FCRL3: variants seen among roughly 807,000 people sequenced by gnomAD.
The protein encoded by FCRL3 is Fc receptor like 3, also known as Fc receptor-like protein 3.
FCRL3 carries 89 observed loss-of-function variants against 75.0 expected under a neutral mutation model. That is an observed-to-expected ratio of 1.19 (90% CI 1.00 to 1.42). The LOEUF is 1.42. Ranked by LOEUF, FCRL3 falls within the 40% of genes most tolerant of loss-of-function variation. The pLI is 0.00. For synonymous variants in FCRL3, 376 were observed against 348.5 expected, an observed-to-expected ratio of 1.08 and a Z score of -0.88; for missense variants, 946 against 880.0, an observed-to-expected ratio of 1.07 and a Z score of -0.95.
chr1:157,692,747 T>C (rs1655632641), intron 8 of FCRL3, among the ~76,000 whole-genome samples: 1 of 152,254 alleles, frequency 6.6e-6, no homozygotes, highest in African/African-American at 2.4e-5. Flanking sequence ...TGTTAATACT[T>C]AGCAAACACT....
chr1:157,677,120 C>G lies in FCRL3; in HGVS notation c.*1590G>C, dbSNP rs1392452800. ...AAGGCCAGGATAAGGGTAACAGAGG[C>G]CAGTGGGAGCAGTGTGGATTGATCA... On this transcript the variant is annotated 3_prime_UTR_variant, in exon 15 of 15. Transcript: ENST00000368184. 1 of 1,069,360 alleles carries G rather than the reference C, an allele frequency of 9.4e-7. No individual in the cohort carries two copies. The highest frequency in any genetic ancestry group is 4.5e-5 in the Admixed American group (1 of 22,406). 66.2% of individuals were successfully genotyped at this position (1,069,360 alleles called of 1,614,324 possible). A position where few individuals can be genotyped will look rare whatever the true frequency, so the allele number is the denominator to read the frequency against.
Position 157,677,203 on chromosome 1 carries a change from GACAAAAGTGCC to G in FCRL3, c.*1496_*1506del. The G allele has an allele frequency of 9.9e-7, 1 of 1,007,588 alleles. No homozygotes were observed. The allele number at this position is 1,007,588 out of a possible 1,614,324, so 62.4% of individuals were successfully genotyped here. On this transcript the variant is annotated 3_prime_UTR_variant, in exon 15 of 15. Transcript: ENST00000368184. ...GCTGGCTTTGCTGGTCGTAATGGAG[GACAAAAGTGCC>G]TTCTGGTGAAACTCAGCTTCCATAG...
At position 157,698,687 on chromosome 1, in the gene FCRL3, A is replaced by G. The variant is rs538412732; in HGVS notation, c.53-58T>C. 68 of 1,584,454 alleles carry G rather than the reference A, an allele frequency of 4.3e-5. No individual in the cohort carries two copies. In the East Asian group the frequency reaches 1.0e-3, roughly 23 times the overall value. On this transcript the variant is annotated intron_variant, in intron 3 of 14. Coordinates refer to ENST00000368184, the MANE Select transcript of FCRL3 (RefSeq NM_052939.4). ...AAGGTCAATGGGAGGTGGGCACAGCACATGGGGAGCCCAACCTACAGTCAG... is the reference window on the plus strand; with the variant it reads ...AAGGTCAATGGGAGGTGGGCACAGCGCATGGGGAGCCCAACCTACAGTCAG...
intron 2 of FCRL3, 82 bp downstream of exon 2, chr1:157,700,377 G>C: frequency 6.3e-7 from 1 of 1,597,762 alleles, no homozygotes. Context: ...CCAAGTAGAA[G>C]CAGAGATAGA....
intron 8 of FCRL3, among the ~76,000 whole-genome samples, chr1:157,691,122 A>G (rs1655513566): frequency 6.6e-6 from 1 of 152,140 alleles, no homozygotes; most frequent in Non-Finnish European, 1.5e-5. Context: ...TAGCTGTTGG[A>G]ACTTTGCCTG....
intron 3 of FCRL3, 46 bp from the exon 4 acceptor site, chr1:157,698,675 G>A (rs754410904): frequency 6.2e-6 from 10 of 1,606,418 alleles, no homozygotes; most frequent in Non-Finnish European, 7.7e-6. Flanking sequence ...GTCAATGGGA[G>A]GTGGGCACAG....
At chr1:157,692,102 A>T (rs1442522244) in intron 8 of FCRL3, 1 of 152,232 alleles carries the variant, frequency 6.6e-6, no homozygotes, top group Admixed American at 6.5e-5. Context: ...AGGGTGGGAC[A>T]GCAGTGCCTT....
Position 157,697,670 on chromosome 1 carries a change from A to C in FCRL3, c.548T>G (p.Ile183Ser), listed in dbSNP as rs773307054. ...DIEVTSKPLN[I>S]QVQELFLHPV... ...AATCTAGCCATTACCTTGAACTTGG[A>C]TATTTAGGGGTTTTGAAGTTACTTC... Residue 183 changes from isoleucine (I) to serine (S), a missense_variant, in exon 5 of 15, where the codon ATC becomes AGC. Transcript: ENST00000368184. 2 of 1,613,162 alleles carry C rather than the reference A, an allele frequency of 1.2e-6. No homozygotes were observed. Among genetic ancestry groups the C allele is most frequent in the Non-Finnish European group, 1.7e-6 (2 of 1,179,654 alleles).
chr1:157,691,165 T>A (rs1655516053), intron 8 of FCRL3, among the ~76,000 whole-genome samples: 1 of 152,202 alleles, frequency 6.6e-6, no homozygotes, highest in African/African-American at 2.4e-5. Context: ...AATTGATGAT[T>A]GAATGGAAAA....
chr1:157,689,892 A>G lies in FCRL3; in HGVS notation c.1716T>C (p.Leu572=). 6.2e-7 allele frequency: 1 copy of G among 1,614,070 alleles called. No individual in the cohort carries two copies. Among genetic ancestry groups the G allele is most frequent in the South Asian group, 1.1e-5 (1 of 91,076 alleles). The change falls in exon 10 of 15, where the codon CTT becomes CTC. Residue 572 remains leucine (L), a synonymous_variant. Coordinates refer to ENST00000368184, the MANE Select transcript of FCRL3 (RefSeq NM_052939.4). ...CCAGCCCCGTGATTCCCGCAGCGGT[A>G]AGGCCTGTTCTGTTCCTGGAAGTTC... ...VTGTSRNRTG[L]TAAGITGLVL...
At chr1:157,697,620 C>A in intron 5 of FCRL3, 39 bp downstream of exon 5, 1 of 1,585,454 alleles carries the variant, frequency 6.3e-7, no homozygotes, top group South Asian at 1.2e-5. Context: ...CCCCAGTTTC[C>A]CTAACAAACC....
chr1:157,698,563 AC>A lies in FCRL3; in HGVS notation c.118del (p.Val40TrpfsTer12). The A allele has an allele frequency of 6.2e-7, 1 of 1,614,122 alleles. No individual in the cohort carries two copies. Among genetic ancestry groups the A allele is most frequent in the Non-Finnish European group, 8.5e-7 (1 of 1,179,938 alleles). On this transcript the variant is annotated frameshift_variant, in exon 4 of 15. Transcript: ENST00000368184. LOFTEE classifies it high-confidence loss of function. ...TGATATGCTGCTGCATATGAGAGCCACTTTTTCTCCTTTGAAGGCTGTGGAC... is the reference window on the plus strand; with the variant it reads ...TGATATGCTGCTGCATATGAGAGCCATTTTTCTCCTTTGAAGGCTGTGGAC... ...PWSTAFKGEK[V>X]ALICSSISHS...
At chr1:157,686,422 GA>G (rs1655181017) in intron 10 of FCRL3, among the ~76,000 whole-genome samples, 1 of 151,980 alleles carries the variant, frequency 6.6e-6, no homozygotes, top group African/African-American at 2.4e-5. Flanking sequence ...ATTCTTCACA[GA>G]ATTAGAAAAA....
At chr1:157,692,283 G>T (rs1347780908) in intron 8 of FCRL3, among the ~76,000 whole-genome samples, 2 of 151,938 alleles carry the variant, frequency 1.3e-5, no homozygotes, top group East Asian at 3.9e-4. Context: ...CTGTTGCCCA[G>T]CCTGGAGTAC....
At position 157,677,047 on chromosome 1, in the gene FCRL3, G is replaced by A. The variant is rs879873956; in HGVS notation, c.*1663C>T. Reference sequence around the variant, plus strand: ...TTAATGCCAATATGAACATGAACTGGCAGAGATCAGCATCTCAGTACGGGC... The same window carrying A: ...TTAATGCCAATATGAACATGAACTGACAGAGATCAGCATCTCAGTACGGGC... On this transcript the variant is annotated 3_prime_UTR_variant, in exon 15 of 15. Transcript: ENST00000368184. 8.3e-7 allele frequency: 1 copy of A among 1,206,216 alleles called. No individual in the cohort carries two copies. The allele number at this position is 1,206,216 out of a possible 1,614,324, so 74.7% of individuals were successfully genotyped here. A position where few individuals can be genotyped will look rare whatever the true frequency, so the allele number is the denominator to read the frequency against.
chr1:157,699,813 C>T, intron 2 of FCRL3, 101 bp from the exon 3 acceptor site: 1 of 1,296,450 alleles, frequency 7.7e-7, no homozygotes, highest in Admixed American at 2.0e-5. Context: ...TTTCTTTGCT[C>T]CCTTTTTATA....
At chr1:157,699,599 T>C in intron 3 of FCRL3, 93 bp downstream of exon 3, 1 of 1,347,590 alleles carries the variant, frequency 7.4e-7, no homozygotes, top group Non-Finnish European at 1.1e-6. Context: ...GCATTGCTGA[T>C]GGGATGCGTG....
At chr1:157,693,479 A>G (rs1655685942) in intron 8 of FCRL3, among the ~76,000 whole-genome samples, 1 of 152,094 alleles carries the variant, frequency 6.6e-6, no homozygotes, top group East Asian at 1.9e-4. Flanking sequence ...TTGGATGTAG[A>G]TATATTGGTA....
intron 10 of FCRL3, 108 bp from the exon 11 acceptor site, chr1:157,683,352 C>T (rs563962458): frequency 8.6e-5 from 117 of 1,360,540 alleles, no homozygotes; most frequent in Admixed American, 2.7e-4. Context: ...ATCTAAGCTA[C>T]GGAAAAACTC....
Sources: allele counts gnomAD v4.1 joint callset (sites outside exome capture counted in the v4.1 genomes callset), GRCh38; gene constraint gnomAD v4.1.1; transcripts MANE v1.5; gene names NCBI Gene and HGNC (gene_info 2026-07-23, HGNC 2026-07-21).